The following RBBP7 variants were observed in gnomAD, a reference collection of about 807,000 sequenced individuals.
RBBP7 encodes histone-binding protein RBBP7.
Under a neutral mutation model 35.2 loss-of-function variants are expected in RBBP7, and 5 were observed. That is an observed-to-expected ratio of 0.14 (90% CI 0.07 to 0.30). RBBP7 has a LOEUF of 0.30. Ranked by LOEUF, RBBP7 falls within the 10% of genes least tolerant of loss-of-function variation. The probability of loss-of-function intolerance (pLI) is 1.00; values close to 1 mark genes in which losing one functional copy is unlikely to be tolerated. For synonymous variants in RBBP7, 140 were observed against 118.7 expected (o/e 1.18, Z -1.17); for missense variants, 155 against 327.5 (o/e 0.47, Z 4.07).
intron 5 of RBBP7, among the ~76,000 whole-genome samples, chrX:16,855,857 T>G (rs1240937779): frequency 1.9e-5 from 2 of 107,519 alleles, no homozygotes; most frequent in African/African-American, 6.8e-5. Context: ...ATTTGCTGGG[T>G]GTGGTGGTGG....
In RBBP7 at chrX:16,868,366, TCTCA is replaced by T. The variant is rs752047429; in HGVS notation, c.161+706_161+709del. ...TGTGATCTTGGGATGGCACTTAAAC[TCTCA>T]CTCCCAGTTTCCTTATCAGTAAAAC... On this transcript the variant is annotated intron_variant, in intron 2 of 11. Coordinates refer to ENST00000380087, the MANE Select transcript of RBBP7 (RefSeq NM_002893.4). 2.7e-5 allele frequency among the ~76,000 whole-genome samples: 3 copies of T among 112,357 alleles called. No homozygotes were observed. In the South Asian group the frequency reaches 1.1e-3, roughly 41 times the overall value.
At chrX:16,859,900 A>T (rs1008482824) in intron 3 of RBBP7, among the ~76,000 whole-genome samples, 23 of 111,350 alleles carry the variant, frequency 2.1e-4, no homozygotes, top group African/African-American at 7.5e-4. Flanking sequence ...TCCATGTCTT[A>T]ATATCAGTAT....
At chrX:16,860,706 A>T (rs189514689) in intron 3 of RBBP7, among the ~76,000 whole-genome samples, 5,816 of 109,543 alleles carry the variant, frequency 0.053, 378 homozygotes, top group African/African-American at 0.17. Flanking sequence ...AGAAAAAAAA[A>T]ATATATATAC....
At chrX:16,861,836 GTTCT>G (rs959039819) in intron 3 of RBBP7, among the ~76,000 whole-genome samples, 13 of 111,849 alleles carry the variant, frequency 1.2e-4, no homozygotes, top group Middle Eastern at 4.6e-3. Context: ...ACCTCAGAAT[GTTCT>G]TTCTGTCACT....
chrX:16,868,824 G>A (rs1365001288), intron 2 of RBBP7, among the ~76,000 whole-genome samples: 1 of 111,993 alleles, frequency 8.9e-6, no homozygotes, highest in Non-Finnish European at 1.9e-5. Context: ...TTCAAGCCCA[G>A]GAAATGTCAA....
chrX:16,850,940 T>A (rs1930197606), intron 9 of RBBP7, among the ~76,000 whole-genome samples: 1 of 110,970 alleles, frequency 9.0e-6, no homozygotes, highest in Non-Finnish European at 1.9e-5. Flanking sequence ...CTTTATTTAT[T>A]TATTTTTTTA....
At chrX:16,856,248 A>G (rs1181541195) in intron 5 of RBBP7, among the ~76,000 whole-genome samples, 1 of 110,688 alleles carries the variant, frequency 9.0e-6, no homozygotes, top group Non-Finnish European at 1.9e-5. Context: ...AACCACAATG[A>G]GCTGGGCGTA....
At chrX:16,852,165 G>A (rs753006572) in intron 8 of RBBP7, 43 bp from the exon 9 acceptor site, 14 of 1,031,590 alleles carry the variant, frequency 1.4e-5, no homozygotes, top group South Asian at 3.8e-5. Context: ...AGAATCATCC[G>A]CTGCTAGGTT....
intron 2 of RBBP7, 56 bp downstream of exon 2, chrX:16,869,020 G>A (rs1930697526): frequency 3.5e-6 from 4 of 1,157,412 alleles, no homozygotes; most frequent in East Asian, 6.0e-5. Context: ...CCAAAACTAG[G>A]AAATTCAGAA....
chrX:16,862,903 G>C (rs1930509317), intron 3 of RBBP7, 52 bp downstream of exon 3: 17 of 1,158,588 alleles, frequency 1.5e-5, no homozygotes, highest in Non-Finnish European at 2.0e-5. Context: ...CATATGCTTT[G>C]AAAGAGACAT....
intron 10 of RBBP7, chrX:16,847,710 C>G (rs1173659203): frequency 3.8e-5 from 4 of 106,445 alleles, no homozygotes; most frequent in Non-Finnish European, 7.7e-5. Context: ...GCCACCACAC[C>G]TGGCTAATTT....
In RBBP7 at chrX:16,870,213, C is replaced by T; in HGVS notation, c.-160G>A. The T allele has an allele frequency of 1.4e-6, 1 of 708,301 alleles. No individual in the cohort carries two copies. The highest frequency in any genetic ancestry group is 1.7e-6 in the Non-Finnish European group (1 of 576,376). 58.4% of individuals were successfully genotyped at this position (708,301 alleles called of 1,213,427 possible). On this transcript the variant is annotated 5_prime_UTR_variant, in exon 1 of 12. Transcript: ENST00000380087. ...CTGCCTGGGTGCTCCCCAGACGCCGCGTCCTTCTTTCCTGCCTCCTCCCCG... is the reference window on the plus strand; with the variant it reads ...CTGCCTGGGTGCTCCCCAGACGCCGTGTCCTTCTTTCCTGCCTCCTCCCCG...
chrX:16,849,323 C>T lies in RBBP7; in HGVS notation c.1041-22G>A, dbSNP rs141236285. On this transcript the variant is annotated intron_variant, in intron 9 of 11. Coordinates refer to ENST00000380087, the MANE Select transcript of RBBP7 (RefSeq NM_002893.4). ...TTTACTGTAAGAATAAAGAATATAA[C>T]GCTTTCATCAGTGAAATTCTTGTAG... The T allele has an allele frequency of 2.3e-4, 271 of 1,182,717 alleles. No homozygotes were observed. In the African/African-American group the frequency reaches 4.0e-3, roughly 17 times the overall value.
At chrX:16,846,817 G>A (rs747528789) in intron 10 of RBBP7, 1 of 111,838 alleles carries the variant, frequency 8.9e-6, no homozygotes, top group Non-Finnish European at 1.9e-5. Context: ...CTATTTTACC[G>A]AATAATCTTA....
chrX:16,853,050 A>C, intron 6 of RBBP7, 175 bp from the exon 7 acceptor site: 1 of 700,862 alleles, frequency 1.4e-6, no homozygotes, highest in Non-Finnish European at 2.1e-6. Context: ...TTCGAAACCT[A>C]CAGAGAACAA....
chrX:16,857,483 A>T, intron 5 of RBBP7, 111 bp downstream of exon 5: 1 of 1,096,886 alleles, frequency 9.1e-7, no homozygotes, highest in Non-Finnish European at 1.2e-6. Flanking sequence ...TTACCACAAT[A>T]ATCAGCAGTA....
chrX:16,845,302 C>T (rs1930044017), intron 11 of RBBP7, among the ~76,000 whole-genome samples, 199 bp from the exon 12 acceptor site: 1 of 112,324 alleles, frequency 8.9e-6, no homozygotes, highest in Non-Finnish European at 1.9e-5. Context: ...TATACTTAGC[C>T]ACCCATCGAT....
intron 9 of RBBP7, 140 bp from the exon 10 acceptor site, chrX:16,849,441 T>G (rs1486958104): frequency 2.0e-6 from 1 of 512,777 alleles, no homozygotes; most frequent in African/African-American, 2.4e-5. Context: ...CTACAATCAA[T>G]TAGGTTTTTT....
Position 16,870,031 on chromosome X carries a change from C to T in RBBP7, c.16+7G>A. On this transcript the variant is annotated splice_region_variant and intron_variant, in intron 1 of 11. Transcript: ENST00000380087. ...CCCGGCGCGCGCCGCCCCGCAGGGC[C>T]TCTTACTCTCTTTACTCGCCATCTT... 1 of 1,016,847 alleles carries T rather than the reference C, an allele frequency of 9.8e-7. No homozygotes were observed. Among genetic ancestry groups the T allele is most frequent in the Non-Finnish European group, 1.3e-6 (1 of 783,504 alleles). The allele number at this position is 1,016,847 out of a possible 1,213,427, so 83.8% of individuals were successfully genotyped here. A position where few individuals can be genotyped will look rare whatever the true frequency, so the allele number is the denominator to read the frequency against.
Sources: allele counts gnomAD v4.1 joint callset (sites outside exome capture counted in the v4.1 genomes callset), GRCh38; gene constraint gnomAD v4.1.1; transcripts MANE v1.5; gene names NCBI Gene and HGNC (gene_info 2026-07-23, HGNC 2026-07-21).